The following FAM13B variants were observed in gnomAD, a reference collection of about 807,000 sequenced individuals.
FAM13B encodes the protein family with sequence similarity 13 member B, also known as protein FAM13B.
A neutral mutation model predicts 117.3 loss-of-function variants in FAM13B; 60 were observed. The observed-to-expected ratio is 0.51, with a 90% CI of 0.42 to 0.63. The LOEUF is 0.63. Ranked by LOEUF, FAM13B falls within the 30% of genes least tolerant of loss-of-function variation. The pLI, the probability that FAM13B is intolerant of heterozygous loss-of-function variation, is 0.00. For synonymous variants in FAM13B, 332 were observed against 356.1 expected (o/e 0.93, Z 0.76); for missense variants, 972 against 1,091.9 (o/e 0.89, Z 1.55).
chr5:137,971,734 AAGAG>A (rs1438639819), intron 10 of FAM13B, among the ~76,000 whole-genome samples: 41 of 148,682 alleles, frequency 2.8e-4, no homozygotes, highest in African/African-American at 9.3e-4. Flanking sequence ...TAAAGAAAAA[AAGAG>A]AGAAGAATCA....
chr5:137,970,644 C>G (rs1401502150), intron 10 of FAM13B, among the ~76,000 whole-genome samples: 2 of 152,014 alleles, frequency 1.3e-5, no homozygotes, highest in Non-Finnish European at 2.9e-5. Flanking sequence ...CTAAATGCTC[C>G]AATTAAAGGG....
chr5:138,030,974 A>T (rs2151078122), intron 1 of FAM13B, among the ~76,000 whole-genome samples: 1 of 151,976 alleles, frequency 6.6e-6, no homozygotes, highest in South Asian at 2.1e-4. Context: ...CAGAGGTTGC[A>T]GTCAGCCGAG....
intron 7 of FAM13B, among the ~76,000 whole-genome samples, chr5:138,000,570 A>G (rs1780968578): frequency 6.6e-6 from 1 of 152,128 alleles, no homozygotes; most frequent in Non-Finnish European, 1.5e-5. Context: ...AAAACTAATA[A>G]AGGAGAAAGA....
intron 10 of FAM13B, among the ~76,000 whole-genome samples, chr5:137,969,782 A>G (rs1446626741): frequency 1.3e-5 from 2 of 152,228 alleles, no homozygotes; most frequent in African/African-American, 2.4e-5. Context: ...GATGTAGCTG[A>G]AAACCAAGGC....
At chr5:137,975,338 A>G (rs1773607985) in intron 10 of FAM13B, among the ~76,000 whole-genome samples, 1 of 152,202 alleles carries the variant, frequency 6.6e-6, no homozygotes, top group African/African-American at 2.4e-5. Flanking sequence ...ACTATTTCAA[A>G]GCTATTTAGT....
In FAM13B at chr5:138,007,147, C is replaced by A. The variant is rs887064504; in HGVS notation, c.691G>T (p.Val231Phe). ...TCTTCTTCCTCAGAAAGTTCATTAACCTATATAAATAAAAAGAAATTCAGA... is the reference window on the plus strand; with the variant it reads ...TCTTCTTCCTCAGAAAGTTCATTAAACTATATAAATAAAAAGAAATTCAGA... ...SNDLSSITEQ[V>F]NELSEEEEED... is the part of the protein sequence containing the mutation. Residue 231 changes from valine (V) to phenylalanine (F), a missense_variant and splice_region_variant, in exon 7 of 24, where the codon GTT (valine) becomes TTT (phenylalanine). Transcript: ENST00000689681. The A allele has an allele frequency of 3.1e-5, 49 of 1,586,454 alleles. No homozygotes were observed. The highest frequency in any genetic ancestry group is 4.2e-5 in the Non-Finnish European group (49 of 1,169,494).
chr5:138,008,213 G>C (rs1182576179), intron 6 of FAM13B, among the ~76,000 whole-genome samples: 6 of 152,170 alleles, frequency 3.9e-5, no homozygotes, highest in African/African-American at 1.4e-4. Flanking sequence ...GGCTGAGGGG[G>C]TTGGAACCCT....
chr5:137,951,234 GGA>G (rs1252505638), intron 17 of FAM13B, among the ~76,000 whole-genome samples: 29 of 91,482 alleles, frequency 3.2e-4, no homozygotes, highest in African/African-American at 6.6e-4. Flanking sequence ...AAAAAAAAAA[GGA>G]GAGAGAGAGA....
rs115109738 is a variant in FAM13B, at chr5:137,939,333, T to C, written c.*892A>G. 17 of 152,780 alleles carry C rather than the reference T, an allele frequency of 1.1e-4. No homozygotes were observed. Among genetic ancestry groups the C allele is most frequent in the East Asian group, 3.9e-4 (2 of 5,194 alleles). The allele number at this position is 152,780 out of a possible 1,614,324, so 9.5% of individuals were successfully genotyped here. On this transcript the variant is annotated 3_prime_UTR_variant, in exon 24 of 24. Coordinates refer to ENST00000689681, the MANE Select transcript of FAM13B (RefSeq NM_001385994.1). ...ATAATATTTTGCTGATTTAAGCCCA[T>C]TGATTGAACACACAAATCTGAGCAC...
intron 10 of FAM13B, among the ~76,000 whole-genome samples, chr5:137,983,187 A>T (rs1323830467): frequency 1.3e-4 from 1 of 7,458 alleles, no homozygotes; most frequent in African/African-American, 2.8e-4. Context: ...AAAAAAAAAA[A>T]AAAAAAAAAA....
chr5:138,036,702 A>AG (rs534972192), upstream of FAM13B: 2 of 396,118 alleles, frequency 5.0e-6, no homozygotes, highest in Admixed American at 3.0e-5. Flanking sequence ...AAATTTCTAG[A>AG]GGGGGTCTAT....
At chr5:138,016,312 T>C (rs992464028) in intron 4 of FAM13B, among the ~76,000 whole-genome samples, 1 of 152,186 alleles carries the variant, frequency 6.6e-6, no homozygotes, top group Non-Finnish European at 1.5e-5. Context: ...GTCATAATTT[T>C]AAATGAAAAC....
At chr5:138,012,946 G>A (rs1302881499) in intron 4 of FAM13B, among the ~76,000 whole-genome samples, 1 of 152,108 alleles carries the variant, frequency 6.6e-6, no homozygotes, top group East Asian at 1.9e-4. Context: ...GCTCATGCCT[G>A]TAATCCCAGC....
At chr5:137,996,086 A>AG (rs1346230586) in intron 7 of FAM13B, among the ~76,000 whole-genome samples, 1 of 152,224 alleles carries the variant, frequency 6.6e-6, no homozygotes, top group Non-Finnish European at 1.5e-5. Context: ...AGTCAACTGA[A>AG]GGCATATTTT....
chr5:138,003,642 G>A (rs774169265), intron 7 of FAM13B, among the ~76,000 whole-genome samples: 5 of 151,986 alleles, frequency 3.3e-5, no homozygotes, highest in Admixed American at 1.3e-4. Flanking sequence ...ATCCCGCACC[G>A]TCCTCAGAGA....
chr5:138,044,302 A>T (rs1029863412), intron 1 of FAM13B, among the ~76,000 whole-genome samples: 2 of 152,166 alleles, frequency 1.3e-5, no homozygotes, highest in Admixed American at 6.5e-5. Context: ...CTCTATTCCC[A>T]GCACTTTGGG....
At chr5:137,942,142 A>T (rs888530043) in intron 22 of FAM13B, 97 bp from the exon 23 acceptor site, 1 of 965,618 alleles carries the variant, frequency 1.0e-6, no homozygotes, top group East Asian at 2.6e-5. Flanking sequence ...GTGGCTGGGG[A>T]ACTGTTAGGT....
intron 23 of FAM13B, among the ~76,000 whole-genome samples, chr5:137,941,605 C>T (rs933639439): frequency 6.6e-6 from 1 of 152,214 alleles, no homozygotes; most frequent in African/African-American, 2.4e-5. Context: ...AAGGATACCA[C>T]TCCTGTCATG....
intron 7 of FAM13B, among the ~76,000 whole-genome samples, chr5:137,993,522 C>T (rs1056826478): frequency 6.6e-6 from 1 of 151,734 alleles, no homozygotes; most frequent in African/African-American, 2.4e-5. Flanking sequence ...GTGGCTCATG[C>T]CTATAACCAG....
Sources: allele counts gnomAD v4.1 joint callset (sites outside exome capture counted in the v4.1 genomes callset), GRCh38; gene constraint gnomAD v4.1.1; transcripts MANE v1.5; gene names NCBI Gene and HGNC (gene_info 2026-07-23, HGNC 2026-07-21).